The following TP53BP1 variants were observed in gnomAD, a reference collection of about 807,000 sequenced individuals.
TP53BP1 encodes TP53-binding protein 1.
TP53BP1 carries 61 observed loss-of-function variants against 200.8 expected under a neutral mutation model. The observed-to-expected ratio is 0.30, with a 90% CI of 0.25 to 0.38. The LOEUF (loss-of-function observed/expected upper bound fraction) is 0.38. Among genes scored for constraint, TP53BP1 ranks in the 10% least tolerant of loss-of-function variants. The pLI is 1.00. For missense variants in TP53BP1, 2,144 were observed against 2,371.9 expected (o/e 0.90, Z 2.00); for synonymous variants, 822 against 844.3 (o/e 0.97, Z 0.46).
chr15:43,453,929 T>C (rs1394439715), intron 12 of TP53BP1, among the ~76,000 whole-genome samples: 4 of 150,028 alleles, frequency 2.7e-5, no homozygotes, highest in African/African-American at 9.8e-5. Context: ...TGTTCTAGGC[T>C]GGGTGCAGCG....
intron 16 of TP53BP1, among the ~76,000 whole-genome samples, chr15:43,436,108 C>T (rs1313848201): frequency 6.6e-6 from 1 of 152,062 alleles, no homozygotes; most frequent in Non-Finnish European, 1.5e-5. Flanking sequence ...TCTCCCACCT[C>T]AGCATCCCAA....
chr15:43,502,515 C>T (rs758038282), intron 1 of TP53BP1, among the ~76,000 whole-genome samples: 1 of 151,564 alleles, frequency 6.6e-6, no homozygotes, highest in Non-Finnish European at 1.5e-5. Flanking sequence ...AGTGCAGTAG[C>T]GCGATCTTGG....
At chr15:43,459,951 A>T (rs994942479) in intron 11 of TP53BP1, among the ~76,000 whole-genome samples, 2 of 152,212 alleles carry the variant, frequency 1.3e-5, no homozygotes, top group African/African-American at 4.8e-5. Flanking sequence ...GGGAGAAGGG[A>T]GTATACTGGG....
intron 15 of TP53BP1, among the ~76,000 whole-genome samples, chr15:43,440,864 G>C (rs1350618301): frequency 2.0e-5 from 3 of 152,102 alleles, no homozygotes. Context: ...ACTCCAGCCT[G>C]GGCAACAGAG....
intron 21 of TP53BP1, among the ~76,000 whole-genome samples, chr15:43,418,400 G>A (rs1595528653): frequency 6.6e-6 from 1 of 151,352 alleles, no homozygotes; most frequent in East Asian, 1.9e-4. Flanking sequence ...TACTCGGGAG[G>A]CTGAGGCACG....
rs140315704 is a variant in TP53BP1 at position 43,447,407 on chromosome 15, C to T, written c.2795G>A (p.Gly932Glu). ...TCTCTTGGGCTCCAATTTTAGGTGC[C>T]CAATAAGAGGTGGGGTTGCACCAGT... is the stretch of plus-strand genomic sequence containing the variant. ...PLTGATPPLI[G>E]HLKLEPKRHS... Residue 932 changes from glycine to glutamate, a missense_variant, in exon 13 of 28, where the codon GGG becomes GAG. By Grantham distance (98) the Gly-to-Glu change is moderately conservative. Coordinates refer to ENST00000382044, the MANE Select transcript of TP53BP1 (RefSeq NM_001141980.3). 2.5e-6 allele frequency: 4 copies of T among 1,601,830 alleles called. No homozygotes were observed. In the African/African-American group the frequency reaches 4.1e-5, roughly 16 times the overall value.
chr15:43,420,278 C>A (rs776359663), intron 21 of TP53BP1, 27 bp downstream of exon 21: 1 of 1,597,390 alleles, frequency 6.3e-7, no homozygotes, highest in East Asian at 2.2e-5. Context: ...ACAAAAAAAT[C>A]TCTACAAACT....
intron 11 of TP53BP1, among the ~76,000 whole-genome samples, chr15:43,459,410 A>G (rs1045578333): frequency 1.3e-5 from 2 of 152,236 alleles, no homozygotes; most frequent in African/African-American, 4.8e-5. Flanking sequence ...ATATTCACTC[A>G]TATAATGGTC....
Position 43,404,674 on chromosome 15 carries a change from A to C in TP53BP1, c.*2709T>G. On this transcript the variant is annotated 3_prime_UTR_variant, in exon 28 of 28. Transcript: ENST00000382044. ...CCCTCATTTTATAAGTAAGGCTTAG[A>C]GATAGAGGTGTGACCATCTTTAATA... 1 of 1,048,112 alleles carries C rather than the reference A, an allele frequency of 9.5e-7. No individual in the cohort carries two copies. The highest frequency in any genetic ancestry group is 2.5e-5 in the East Asian group (1 of 40,394). 64.9% of individuals were successfully genotyped at this position (1,048,112 alleles called of 1,614,324 possible).
chr15:43,470,485 A>G (rs538844926), intron 10 of TP53BP1, among the ~76,000 whole-genome samples: 1 of 152,356 alleles, frequency 6.6e-6, no homozygotes, highest in Admixed American at 6.5e-5. Flanking sequence ...TTAGGTAAAT[A>G]CAGTATCTAT....
chr15:43,483,274 A>ACACACACACACACAC (rs2079000216), intron 4 of TP53BP1, among the ~76,000 whole-genome samples: 1 of 151,678 alleles, frequency 6.6e-6, no homozygotes, highest in African/African-American at 2.4e-5. Context: ...ACACACACAG[A>ACACACACACACACAC]ACAAATGTAT....
intron 24 of TP53BP1, among the ~76,000 whole-genome samples, chr15:43,410,316 G>A (rs1475329532): frequency 6.6e-6 from 1 of 152,108 alleles, no homozygotes; most frequent in Admixed American, 6.5e-5. Flanking sequence ...TTAAGTGAAG[G>A]TTAGAAAATC....
chr15:43,419,149 G>A (rs138002636), intron 21 of TP53BP1, among the ~76,000 whole-genome samples: 116 of 152,326 alleles, frequency 7.6e-4, no homozygotes, highest in African/African-American at 2.7e-3. Context: ...GTACCCGGAA[G>A]CTAGAGGTTG....
At position 43,454,227 on chromosome 15, in the gene TP53BP1, G is replaced by A. The variant is rs1315696172; in HGVS notation, c.2716+1665C>T. 7.9e-5 allele frequency among the ~76,000 whole-genome samples: 12 copies of A among 152,088 alleles called. No individual in the cohort carries two copies. The South Asian group carries it at 1.9e-3, about 24-fold the overall frequency. ...TCTCAAAAAAAAGGGACTGTTCTACGCAAACCAAAAAATATGGTCACTCAT... is the reference window on the plus strand; with the variant it reads ...TCTCAAAAAAAAGGGACTGTTCTACACAAACCAAAAAATATGGTCACTCAT... On this transcript the variant is annotated intron_variant, in intron 12 of 27. Coordinates refer to ENST00000382044, the MANE Select transcript of TP53BP1 (RefSeq NM_001141980.3).
intron 11 of TP53BP1, among the ~76,000 whole-genome samples, chr15:43,460,318 T>C (rs1374545654): frequency 2.0e-5 from 3 of 152,180 alleles, no homozygotes; most frequent in Non-Finnish European, 4.4e-5. Flanking sequence ...TGGAGTGCAG[T>C]GGCTTAATCA....
intron 1 of TP53BP1, among the ~76,000 whole-genome samples, chr15:43,499,711 T>A: frequency 6.6e-6 from 1 of 152,192 alleles, no homozygotes. Flanking sequence ...AGAAAACCCA[T>A]AAAACTGACC....
chr15:43,501,583 T>A (rs978265576), intron 1 of TP53BP1, among the ~76,000 whole-genome samples: 1 of 152,166 alleles, frequency 6.6e-6, no homozygotes, highest in Non-Finnish European at 1.5e-5. Context: ...TATAGAACAT[T>A]GTCATCACTC....
At chr15:43,430,088 AAG>A (rs1197950767) in intron 17 of TP53BP1, among the ~76,000 whole-genome samples, 3 of 152,224 alleles carry the variant, frequency 2.0e-5, no homozygotes, top group Non-Finnish European at 2.9e-5. Context: ...CTCTTCTGAA[AAG>A]AGGTGTCTGT....
At chr15:43,426,923 C>A (rs1333542296) in intron 18 of TP53BP1, among the ~76,000 whole-genome samples, 1 of 149,788 alleles carries the variant, frequency 6.7e-6, no homozygotes, top group Non-Finnish European at 1.5e-5. Flanking sequence ...GAGGCCGAGC[C>A]AGGAAAATCA....
Sources: gnomAD v4.1 joint callset for allele counts (sites outside exome capture counted in the v4.1 genomes callset) on GRCh38, gnomAD v4.1.1 for gene constraint, MANE v1.5 for transcripts, NCBI Gene and HGNC (gene_info 2026-07-23, HGNC 2026-07-21) for gene names.